Variants in ROBO2 observed in about 807,000 individuals in gnomAD.
ROBO2 encodes roundabout guidance receptor 2.
Under a neutral mutation model 160.8 loss-of-function variants are expected in ROBO2, and 53 were observed. The ratio of observed to expected loss-of-function variants is 0.33; its 90% confidence interval spans 0.26 to 0.41. The LOEUF (loss-of-function observed/expected upper bound fraction) is 0.41. Ranked by LOEUF, ROBO2 falls within the 10% of genes least tolerant of loss-of-function variation. The pLI is 1.00. For synonymous variants in ROBO2, 664 were observed against 611.7 expected (o/e 1.09, Z -1.26); for missense variants, 1,577 against 1,722.4 (o/e 0.92, Z 1.49).
chr3:76,007,670 A>G (rs867249241), intron 2 of ROBO2, among the ~76,000 whole-genome samples: 64 of 152,302 alleles, frequency 4.2e-4, no homozygotes, highest in African/African-American at 1.3e-3. Context: ...GTTATCATAG[A>G]TAAGTAAGGG....
intron 2 of ROBO2, among the ~76,000 whole-genome samples, chr3:76,721,900 A>G (rs541204083): frequency 6.6e-6 from 1 of 152,326 alleles, no homozygotes; most frequent in South Asian, 2.1e-4. Context: ...GCGTGTATGT[A>G]TCAGAATGTG....
chr3:76,494,689 C>A (rs1354930094), intron 2 of ROBO2, among the ~76,000 whole-genome samples: 1 of 152,152 alleles, frequency 6.6e-6, no homozygotes, highest in Non-Finnish European at 1.5e-5. Context: ...ACAAAATAAT[C>A]TTTATGCCAA....
At chr3:76,664,028 A>G (rs928814118) in intron 2 of ROBO2, among the ~76,000 whole-genome samples, 1 of 152,156 alleles carries the variant, frequency 6.6e-6, no homozygotes, top group Admixed American at 6.6e-5. Flanking sequence ...GGGCCAAATG[A>G]TAGAGAAAGC....
At chr3:77,126,904 T>C (rs1343525416) in intron 2 of ROBO2, among the ~76,000 whole-genome samples, 1 of 145,294 alleles carries the variant, frequency 6.9e-6, no homozygotes, top group African/African-American at 2.5e-5. Flanking sequence ...TTCTCCAGCC[T>C]CAGCCTCCCG....
intron 12 of ROBO2, among the ~76,000 whole-genome samples, chr3:77,566,960 A>C (rs1028807061): frequency 3.9e-5 from 6 of 152,064 alleles, no homozygotes; most frequent in Non-Finnish European, 7.4e-5. Flanking sequence ...TTTCATTAAA[A>C]GTACAAATAC....
At chr3:77,353,464 C>T (rs7431317) in intron 2 of ROBO2, among the ~76,000 whole-genome samples, 52,106 of 151,966 alleles carry the variant, frequency 0.34, 9,332 homozygotes, top group Non-Finnish European at 0.38. Flanking sequence ...GATAAACGTA[C>T]TTGGTATCTA....
intron 2 of ROBO2, among the ~76,000 whole-genome samples, chr3:76,523,478 T>C (rs2081754427): frequency 6.6e-6 from 1 of 152,088 alleles, no homozygotes; most frequent in African/African-American, 2.4e-5. Context: ...ATAAGCTTAG[T>C]AACTAGCCCA....
At chr3:77,346,415 T>G (rs2153454852) in intron 2 of ROBO2, among the ~76,000 whole-genome samples, 1 of 152,260 alleles carries the variant, frequency 6.6e-6, no homozygotes, top group Non-Finnish European at 1.5e-5. Context: ...ATTCTACTCT[T>G]ACAACTATTT....
intron 2 of ROBO2, among the ~76,000 whole-genome samples, chr3:76,449,421 G>A (rs1369710507): frequency 6.6e-6 from 1 of 152,048 alleles, no homozygotes; most frequent in Non-Finnish European, 1.5e-5. Context: ...TGCTAATCAT[G>A]GGTGAATGTA....
chr3:76,184,503 A>C (rs1412697218), intron 2 of ROBO2, among the ~76,000 whole-genome samples: 1 of 151,986 alleles, frequency 6.6e-6, no homozygotes, highest in Non-Finnish European at 1.5e-5. Context: ...ATTTCAAAGA[A>C]TATTGTATTA....
intron 2 of ROBO2, among the ~76,000 whole-genome samples, chr3:76,920,118 G>A (rs934421424): frequency 6.6e-5 from 10 of 152,056 alleles, no homozygotes; most frequent in Admixed American, 2.0e-4. Context: ...GCCAATAAAT[G>A]TATCACTTGG....
chr3:76,708,127 A>C (rs1325286013), intron 2 of ROBO2, among the ~76,000 whole-genome samples: 1 of 152,148 alleles, frequency 6.6e-6, no homozygotes, highest in Non-Finnish European at 1.5e-5. Flanking sequence ...ATTGCTGTCT[A>C]TTCAATTATG....
At chr3:77,498,968 C>A (rs1274265330) in intron 5 of ROBO2, among the ~76,000 whole-genome samples, 1 of 152,154 alleles carries the variant, frequency 6.6e-6, no homozygotes, top group African/African-American at 2.4e-5. Context: ...AAAAAATGGA[C>A]TGGTTCCTAA....
At chr3:76,088,539 T>G (rs1207385780) in intron 2 of ROBO2, among the ~76,000 whole-genome samples, 2 of 152,068 alleles carry the variant, frequency 1.3e-5, no homozygotes, top group Non-Finnish European at 2.9e-5. Flanking sequence ...ACAATGGAAT[T>G]ACACTAGGTC....
intron 2 of ROBO2, among the ~76,000 whole-genome samples, chr3:77,168,106 T>G (rs2079271357): frequency 6.6e-6 from 1 of 152,220 alleles, no homozygotes; most frequent in Admixed American, 6.5e-5. Flanking sequence ...AGGTATTGAT[T>G]GTGTCCATGT....
intron 1 of ROBO2, among the ~76,000 whole-genome samples, chr3:75,912,083 T>C (rs2106740817): frequency 6.6e-6 from 1 of 152,334 alleles, no homozygotes; most frequent in Non-Finnish European, 1.5e-5. Flanking sequence ...CACAAAACAT[T>C]CCCATCTCCT....
chr3:76,146,944 G>T (rs1422178455), intron 2 of ROBO2, among the ~76,000 whole-genome samples: 1 of 150,484 alleles, frequency 6.6e-6, no homozygotes, highest in Non-Finnish European at 1.5e-5. Context: ...TGTATAGAGG[G>T]GAACAACACA....
chr3:76,804,687 T>A (rs982843835), intron 2 of ROBO2, among the ~76,000 whole-genome samples: 3 of 152,280 alleles, frequency 2.0e-5, no homozygotes, highest in Admixed American at 2.0e-4. Context: ...CTTCCCCTTG[T>A]TTAGACTGAG....
At chr3:75,939,048 T>C (rs1947920633) in intron 2 of ROBO2, among the ~76,000 whole-genome samples, 1 of 152,102 alleles carries the variant, frequency 6.6e-6, no homozygotes, top group East Asian at 1.9e-4. Flanking sequence ...ATTACTAAAA[T>C]GCAGCATCAC....
Sources: gnomAD v4.1 joint callset for allele counts (sites outside exome capture counted in the v4.1 genomes callset) on GRCh38, gnomAD v4.1.1 for gene constraint, MANE v1.5 for transcripts, NCBI Gene and HGNC (gene_info 2026-07-23, HGNC 2026-07-21) for gene names.